ABCB4: variants seen among roughly 807,000 people sequenced by gnomAD.
ABCB4 encodes the protein ATP binding cassette subfamily B member 4.
Under a neutral mutation model 145.7 loss-of-function variants are expected in ABCB4, and 76 were observed. That is an observed-to-expected ratio of 0.52 (90% CI 0.43 to 0.63). The LOEUF (loss-of-function observed/expected upper bound fraction) is 0.63. ABCB4 is among the 30% of genes least tolerant of loss of function. The probability of loss-of-function intolerance (pLI) is 0.00; values close to 1 mark genes in which losing one functional copy is unlikely to be tolerated. For missense variants in ABCB4, 1,234 were observed against 1,553.1 expected (o/e 0.79, Z 3.45); for synonymous variants, 517 against 566.8 (o/e 0.91, Z 1.25).
chr7:87,447,161 T>C lies in ABCB4; in HGVS notation c.878A>G (p.Lys293Arg). 1 of 1,614,016 alleles carries C rather than the reference T, an allele frequency of 6.2e-7. No individual in the cohort carries two copies. The change falls in exon 9 of 28, where the codon AAA becomes AGA. Residue 293 changes from lysine to arginine, a missense_variant. Lys to Arg is a conservative substitution (Grantham distance 26, BLOSUM62 2). This residue lies in a region of ABCB4 where 467 missense variants were observed against 632.8 expected (regional missense o/e 0.74). Coordinates refer to ENST00000649586, the MANE Select transcript of ABCB4 (RefSeq NM_000443.4). ...LENAKEIGIK[K>R]AISANISMGI... ...CATGGAAATGTTTGCTGAAATAGCT[T>C]TTTTAATTCCAATCTCTTTGGCATT...
intron 14 of ABCB4, among the ~76,000 whole-genome samples, chr7:87,436,305 G>A (rs1053931174): frequency 6.6e-6 from 1 of 151,536 alleles, no homozygotes; most frequent in Non-Finnish European, 1.5e-5. Flanking sequence ...GCAGAGCCTA[G>A]TGGACACTTT....
the ABCB4 span, among the ~76,000 whole-genome samples, chr7:87,372,107 G>T: frequency 6.6e-6 from 1 of 151,766 alleles, no homozygotes; most frequent in Non-Finnish European, 1.5e-5. Context: ...TACAAGTGAG[G>T]TTGAGCATTT....
the ABCB4 span, among the ~76,000 whole-genome samples, chr7:87,370,706 C>T: frequency 3.9e-5 from 6 of 152,190 alleles, no homozygotes; most frequent in Non-Finnish European, 7.3e-5. Flanking sequence ...CATCCCTCTT[C>T]CAGACTTTCA....
the ABCB4 span, chr7:87,375,687 G>C: frequency 1.2e-6 from 2 of 1,613,576 alleles, no homozygotes; most frequent in African/African-American, 2.7e-5. Context: ...ACCTGGGATT[G>C]CAGCATTAAC....
the ABCB4 span, among the ~76,000 whole-genome samples, chr7:87,366,135 C>A: frequency 6.6e-6 from 1 of 152,152 alleles, no homozygotes; most frequent in African/African-American, 2.4e-5. Flanking sequence ...TTCTGGAGCT[C>A]ACGATCAGCA....
rs1177953261 is a variant in ABCB4 at position 87,454,587 on chromosome 7, AG to A, written c.291del (p.Ser99ProfsTer5). 6.2e-7 allele frequency: 1 copy of A among 1,608,620 alleles called. No homozygotes were observed. Among genetic ancestry groups the A allele is most frequent in the African/African-American group, 1.3e-5 (1 of 74,738 alleles). ...CCTGGATTTAGCAGCGACAAGGAAA[AG>A]TTCACTAAATTAAAAAATAAAATAA... ...DTAGNFSFPV[N>X]FSLSLLNPGK... On this transcript the variant is annotated frameshift_variant, in exon 5 of 28. Coordinates refer to ENST00000649586, the MANE Select transcript of ABCB4 (RefSeq NM_000443.4). LOFTEE classifies it high-confidence loss of function.
At chr7:87,368,295 T>C in the ABCB4 span, among the ~76,000 whole-genome samples, 212 of 152,316 alleles carry the variant, frequency 1.4e-3, 4 homozygotes, top group African/African-American at 4.8e-3. Context: ...TTTCCAACCA[T>C]TTATTGATTA....
chr7:87,474,116 C>A (rs1405599905), intron 2 of ABCB4, among the ~76,000 whole-genome samples: 34 of 152,180 alleles, frequency 2.2e-4, no homozygotes, highest in Admixed American at 1.9e-3. Flanking sequence ...CTGTGGGCTT[C>A]CCCTCTGAGG....
At chr7:87,434,031 C>T (rs1584730276) in intron 14 of ABCB4, among the ~76,000 whole-genome samples, 1 of 151,122 alleles carries the variant, frequency 6.6e-6, no homozygotes, top group South Asian at 2.1e-4. Flanking sequence ...TGGGATCAAG[C>T]GATTACCCTG....
At chr7:87,442,288 TTAAA>T (rs1364102013) in intron 12 of ABCB4, among the ~76,000 whole-genome samples, 2 of 152,106 alleles carry the variant, frequency 1.3e-5, no homozygotes, top group Non-Finnish European at 1.5e-5. Flanking sequence ...TTTTATTAAA[TTAAA>T]TAAATAGTTC....
At chr7:87,399,728 CA>C (rs1807697637), downstream of ABCB4, 1 of 152,082 alleles carries the variant, frequency 6.6e-6, no homozygotes. Flanking sequence ...TTTTTACTCT[CA>C]AAAAATGAAA....
chr7:87,432,849 T>C (rs1453911524), intron 14 of ABCB4, among the ~76,000 whole-genome samples: 2 of 152,176 alleles, frequency 1.3e-5, no homozygotes, highest in African/African-American at 4.8e-5. Flanking sequence ...TTTTAAAGGG[T>C]GAATTTTATG....
At chr7:87,388,814 GA>G in the ABCB4 span, among the ~76,000 whole-genome samples, 3 of 152,170 alleles carry the variant, frequency 2.0e-5, no homozygotes, top group African/African-American at 7.2e-5. Context: ...CACAGCAAAT[GA>G]AACTATCATC....
intron 25 of ABCB4, 127 bp from the exon 26 acceptor site, chr7:87,406,621 C>A: frequency 1.0e-6 from 1 of 987,702 alleles, no homozygotes; most frequent in Non-Finnish European, 1.5e-6. Context: ...AACAACCCTC[C>A]AAGACTTATA....
chr7:87,368,527 A>G, the ABCB4 span, among the ~76,000 whole-genome samples: 1 of 152,174 alleles, frequency 6.6e-6, no homozygotes, highest in East Asian at 1.9e-4. Flanking sequence ...TATAAGAGAA[A>G]AAAGAGTATT....
At chr7:87,433,049 G>C (rs1243835093) in intron 14 of ABCB4, among the ~76,000 whole-genome samples, 1 of 152,122 alleles carries the variant, frequency 6.6e-6, no homozygotes, top group Non-Finnish European at 1.5e-5. Context: ...ACCAAATGGA[G>C]AGTCCAGAAA....
At chr7:87,456,808 T>C (rs1047030579) in intron 4 of ABCB4, among the ~76,000 whole-genome samples, 3 of 152,042 alleles carry the variant, frequency 2.0e-5, no homozygotes, top group Non-Finnish European at 4.4e-5. Context: ...GTTAGTAACC[T>C]GAGGAGCTCC....
At chr7:87,450,138 T>A (rs1247478844) in intron 7 of ABCB4, 46 bp from the exon 8 acceptor site, 11 of 1,611,352 alleles carry the variant, frequency 6.8e-6, no homozygotes, top group Non-Finnish European at 9.3e-6. Flanking sequence ...GGGAGAAAAG[T>A]TTAAAGGCAC....
chr7:87,398,986 G>T, downstream of ABCB4: 1 of 223,424 alleles, frequency 4.5e-6, no homozygotes, highest in Non-Finnish European at 8.8e-6. Context: ...TACTTACATG[G>T]GTTATAAATC....
Sources: gnomAD v4.1 joint callset for allele counts (sites outside exome capture counted in the v4.1 genomes callset) on GRCh38, gnomAD v4.1.1 for gene constraint, gnomAD v4.1.1 regional missense constraint, MANE v1.5 for transcripts, NCBI Gene and HGNC (gene_info 2026-07-23, HGNC 2026-07-21) for gene names.